The following IL27 variants were observed in gnomAD, a reference collection of about 807,000 sequenced individuals.
IL27 encodes the protein interleukin-27 subunit alpha.
A neutral mutation model predicts 27.0 loss-of-function variants in IL27; 11 were observed. The ratio of observed to expected loss-of-function variants is 0.41; its 90% CI spans 0.26 to 0.67. The LOEUF is 0.67. IL27 is among the 30% of genes least tolerant of loss of function. IL27 has a pLI of 0.34. For synonymous variants in IL27, 134 were observed against 140.6 expected (o/e 0.95, Z 0.33); for missense variants, 299 against 310.4 (o/e 0.96, Z 0.28).
intron 4 of IL27, among the ~76,000 whole-genome samples, chr16:28,501,400 G>A (rs1167012879): frequency 1.4e-5 from 2 of 146,086 alleles, no homozygotes; most frequent in African/African-American, 2.5e-5. Flanking sequence ...ACACACACAC[G>A]GTCACGCTCA....
Position 28,499,923 on chromosome 16 carries a change from G to A in IL27, c.463-3C>T, listed in dbSNP as rs114571090. ...AGGTTGAATCCTGCAGCCAGCACCT[G>A]TGAGGAGAGGCCATGGGTCAGGGAG... On this transcript the variant is annotated splice_polypyrimidine_tract_variant and splice_region_variant and intron_variant, in intron 4 of 4. Coordinates refer to ENST00000356897, the MANE Select transcript of IL27 (RefSeq NM_145659.3). The A allele has an allele frequency of 8.8e-4, 1,366 of 1,544,006 alleles. 12 individuals carry two copies. The African/African-American group carries it at 0.017, about 20-fold the overall frequency.
intron 3 of IL27, 24 bp from the exon 4 acceptor site, chr16:28,502,158 G>T (rs1424033641): frequency 6.4e-7 from 1 of 1,566,362 alleles, no homozygotes; most frequent in Admixed American, 1.9e-5. Flanking sequence ...AGATGGTCAG[G>T]AAAGGTCCAC....
In IL27 at chr16:28,506,778, C is replaced by A; in HGVS notation, c.31+3G>T. On this transcript the variant is annotated splice_donor_region_variant and intron_variant, in intron 1 of 4. Coordinates refer to ENST00000356897, the MANE Select transcript of IL27 (RefSeq NM_145659.3). ...AGCCCCCCACCCCTGGCTTCAAACT[C>A]ACGCCAGCCAAGGTCGCCTGCCGTC... The A allele has an allele frequency of 2.5e-6, 4 of 1,611,826 alleles. No individual in the cohort carries two copies. Among genetic ancestry groups the A allele is most frequent in the Non-Finnish European group, 3.4e-6 (4 of 1,179,002 alleles).
rs1596575310 is a variant in IL27 at position 28,499,576 on chromosome 16, G to A, written c.*75C>T. 20 of 1,266,424 alleles carry A rather than the reference G, an allele frequency of 1.6e-5. No individual in the cohort carries two copies. Among genetic ancestry groups the A allele is most frequent in the East Asian group, 1.3e-4 (5 of 39,326 alleles). The allele number at this position is 1,266,424 out of a possible 1,614,324, so 78.4% of individuals were successfully genotyped here. ...CTCCCTTGTCCAAGGCTGATGATGC[G>A]AAGGCTGCCCTGATGCCAAGACTCC... On this transcript the variant is annotated 3_prime_UTR_variant, in exon 5 of 5. Transcript: ENST00000356897.
chr16:28,504,472 C>CA (rs917788474), intron 1 of IL27, among the ~76,000 whole-genome samples: 1 of 139,414 alleles, frequency 7.2e-6, no homozygotes, highest in African/African-American at 2.7e-5. Context: ...GACTCTGTCT[C>CA]AAAAAAACAA....
intron 1 of IL27, among the ~76,000 whole-genome samples, chr16:28,506,375 A>G (rs1596578152): frequency 1.3e-5 from 2 of 152,112 alleles, no homozygotes; most frequent in African/African-American, 4.8e-5. Flanking sequence ...GGCTGCTGAC[A>G]TCTTGGTCCC....
chr16:28,501,774 T>C (rs1057106509), intron 4 of IL27, among the ~76,000 whole-genome samples: 3 of 148,950 alleles, frequency 2.0e-5, no homozygotes, highest in South Asian at 2.1e-4. Context: ...GTCACACTCA[T>C]GGACCCACAC....
chr16:28,505,232 T>C (rs561224910), intron 1 of IL27, among the ~76,000 whole-genome samples: 10 of 152,358 alleles, frequency 6.6e-5, no homozygotes, highest in Middle Eastern at 3.4e-3. Flanking sequence ...GGGCTGGCAA[T>C]GCCAGAGGCT....
intron 4 of IL27, among the ~76,000 whole-genome samples, chr16:28,501,550 A>C (rs981920130): frequency 8.0e-6 from 1 of 125,376 alleles, no homozygotes; most frequent in Non-Finnish European, 1.7e-5. Context: ...GCTCACACTC[A>C]TACAGCCCCC....
chr16:28,500,544 G>A (rs1161925950), intron 4 of IL27, among the ~76,000 whole-genome samples: 2 of 151,614 alleles, frequency 1.3e-5, no homozygotes, highest in African/African-American at 4.8e-5. Context: ...TAAAGTGCTG[G>A]GATTCCAGGC....
intron 1 of IL27, among the ~76,000 whole-genome samples, chr16:28,505,467 G>T (rs570569856): frequency 6.6e-6 from 1 of 152,096 alleles, no homozygotes; most frequent in African/African-American, 2.4e-5. Context: ...CTCCTGAGTA[G>T]CCACCACGCC....
rs111502585 is a variant in IL27 at position 28,501,190 on chromosome 16, G to GA, written c.462+785dup. 7.5e-3 allele frequency among the ~76,000 whole-genome samples: 1,065 copies of GA among 142,774 alleles called. 15 individuals carry two copies. Among genetic ancestry groups the GA allele is most frequent in the African/African-American group, 0.023 (888 of 38,992 alleles). 93.7% of individuals were successfully genotyped at this position (142,774 alleles called of 152,430 possible). A position where few individuals can be genotyped will look rare whatever the true frequency, so the allele number is the denominator to read the frequency against. ...GGCGACAGAGTGAGACTTAGTCTCA[G>GA]AAAAAAAAAAAAATCGTTCACGTAC... On this transcript the variant is annotated intron_variant, in intron 4 of 4. Coordinates refer to ENST00000356897, the MANE Select transcript of IL27 (RefSeq NM_145659.3).
At position 28,502,127 on chromosome 16, in the gene IL27, T is replaced by C; in HGVS notation, c.311A>G (p.Glu104Gly). The C allele has an allele frequency of 1.2e-6, 2 of 1,603,070 alleles. No individual in the cohort carries two copies. The highest frequency in any genetic ancestry group is 1.7e-6 in the Non-Finnish European group (2 of 1,174,648). ...CGTGGTGGAGATGAAGCAGAGACGC[T>C]CCGGGTCCTGAAGGGGAGGGAGATG... ...FQAWRRLSDP[E>G]RLCFISTTLQ... The change falls in exon 4 of 5, where the codon GAG (glutamate) becomes GGG (glycine). Residue 104 changes from glutamate to glycine, a missense_variant. Transcript: ENST00000356897.
chr16:28,504,712 G>A (rs2046452370), intron 1 of IL27, among the ~76,000 whole-genome samples: 1 of 151,670 alleles, frequency 6.6e-6, no homozygotes. Flanking sequence ...AGCCTCCCAA[G>A]TAGCTGGGAT....
At chr16:28,504,073 G>A (rs941737514) in intron 1 of IL27, 23 bp from the exon 2 acceptor site, 10 of 1,568,694 alleles carry the variant, frequency 6.4e-6, no homozygotes, top group Non-Finnish European at 8.6e-6. Context: ...GAAGAGGGTG[G>A]CAAGACAGGG....
chr16:28,500,281 T>C (rs1423639931), intron 4 of IL27, among the ~76,000 whole-genome samples: 1 of 152,002 alleles, frequency 6.6e-6, no homozygotes, highest in Non-Finnish European at 1.5e-5. Context: ...GCCATTCCTC[T>C]CTCTCTCTCT....
chr16:28,502,428 C>T (rs1480868097), intron 3 of IL27, among the ~76,000 whole-genome samples: 1 of 152,020 alleles, frequency 6.6e-6, no homozygotes, highest in Admixed American at 6.6e-5. Flanking sequence ...TGTTCCCTTC[C>T]CTCCTCCACC....
rs1173171291 is a variant in IL27 at position 28,499,780 on chromosome 16, G to A, written c.603C>T (p.Leu201=). Residue 201 remains leucine (L), a synonymous_variant, in exon 5 of 5, where the codon CTC becomes CTT. Coordinates refer to ENST00000356897, the MANE Select transcript of IL27 (RefSeq NM_145659.3). ...GPAQVSWPQL[L]STYRLLHSLE... The stretch of plus-strand genomic sequence containing the variant: ...AGGAGTGCAGCAGGCGGTAGGTGGA[G>A]AGGAGCTGGGGCCAGGACACCTGGG... 4 of 1,611,912 alleles carry A rather than the reference G, an allele frequency of 2.5e-6. No individual in the cohort carries two copies. In the South Asian group the frequency reaches 4.4e-5, roughly 18 times the overall value.
Position 28,503,716 on chromosome 16 carries a change from G to A in IL27, c.282C>T (p.Phe94=), listed in dbSNP as rs1451065875. 1 of 1,612,796 alleles carries A rather than the reference G, an allele frequency of 6.2e-7. No homozygotes were observed. The highest frequency in any genetic ancestry group is 1.7e-5 in the Admixed American group (1 of 59,842). ...GEQLPDVSLT[F]QAWRRLSDPE... ...TCACAGAGAGGCGGCGCCAGGCCTG[G>A]AAGGTCAGGGAAACATCAGGGAGCT... is the stretch of plus-strand genomic sequence containing the variant. Residue 94 remains phenylalanine, a synonymous_variant, in exon 3 of 5, where the codon TTC becomes TTT. Transcript: ENST00000356897.
Sources: allele counts gnomAD v4.1 joint callset (sites outside exome capture counted in the v4.1 genomes callset), GRCh38; gene constraint gnomAD v4.1.1; transcripts MANE v1.5; gene names NCBI Gene and HGNC (gene_info 2026-07-23, HGNC 2026-07-21).